SCN2A: variants seen among roughly 807,000 people sequenced by gnomAD.
SCN2A encodes sodium voltage-gated channel alpha subunit 2.
A neutral mutation model predicts 188.7 loss-of-function variants in SCN2A; 20 were observed. The observed-to-expected ratio is 0.11, with a 90% CI of 0.07 to 0.15. The LOEUF is 0.15. Ranked by LOEUF, SCN2A falls within the 10% of genes least tolerant of loss-of-function variation. The pLI is 1.00. For synonymous variants in SCN2A, 804 were observed against 833.1 expected (o/e 0.97, Z 0.60); for missense variants, 1,278 against 2,445.0 (o/e 0.52, Z 10.07).
Position 165,342,428 on chromosome 2 carries a change from G to T in SCN2A, c.2521G>T (p.Ala841Ser), listed in dbSNP as rs1298213622. ...VSLSLMELGL[A>S]NVEGLSVLRS... ...CCTTAGTTTAATGGAACTTGGTTTGGCAAATGTGGAAGGATTGTCAGTTCT... is the reference window on the plus strand; with the variant it reads ...CCTTAGTTTAATGGAACTTGGTTTGTCAAATGTGGAAGGATTGTCAGTTCT... The change falls in exon 15 of 27, where the codon GCA becomes TCA. Residue 841 changes from alanine (A) to serine (S), a missense_variant. Ala to Ser is a moderately conservative substitution (Grantham distance 99). Transcript: ENST00000375437. The T allele has an allele frequency of 1.2e-6, 2 of 1,613,988 alleles. No individual in the cohort carries two copies. Among genetic ancestry groups the T allele is most frequent in the South Asian group, 2.2e-5 (2 of 91,074 alleles).
rs780656967 is a variant in SCN2A at position 165,315,460 on chromosome 2, C to T, written c.1384-11C>T. 5 of 1,613,610 alleles carry T rather than the reference C, an allele frequency of 3.1e-6. No homozygotes were observed. Among genetic ancestry groups the T allele is most frequent in the Non-Finnish European group, 4.2e-6 (5 of 1,179,658 alleles). ...TTATATGCAACTTCCACATACTTTG[C>T]GCCCTTCTAGGCGGCAGCTGCAGCC... On this transcript the variant is annotated splice_polypyrimidine_tract_variant and intron_variant, in intron 10 of 26. Coordinates refer to ENST00000375437, the MANE Select transcript of SCN2A (RefSeq NM_001040142.2).
chr2:165,389,919 C>T lies in SCN2A; in HGVS notation c.*95C>T. ...ACAGGACTCCCACAGGAGGTCTATG[C>T]CAAACTGACTGTTTTTACAAATGTA... On this transcript the variant is annotated 3_prime_UTR_variant, in exon 27 of 27. Transcript: ENST00000375437. The surrounding 1 kb of genome is among the most constrained non-coding windows in gnomAD (Gnocchi z 4.2). 2 of 1,518,960 alleles carry T rather than the reference C, an allele frequency of 1.3e-6. No individual in the cohort carries two copies. Among genetic ancestry groups the T allele is most frequent in the South Asian group, 2.5e-5 (2 of 79,560 alleles). 94.1% of individuals were successfully genotyped at this position (1,518,960 alleles called of 1,614,324 possible). A position where few individuals can be genotyped will look rare whatever the true frequency, so the allele number is the denominator to read the frequency against.
At chr2:165,267,679 T>G (rs1450428356) in intron 1 of SCN2A, 1 of 151,846 alleles carries the variant, frequency 6.6e-6, no homozygotes, top group African/African-American at 2.4e-5. Context: ...AGAAAATATT[T>G]GCAAACCATA....
intron 3 of SCN2A, among the ~76,000 whole-genome samples, chr2:165,300,380 G>A (rs1469816186): frequency 6.6e-6 from 1 of 152,180 alleles, no homozygotes; most frequent in African/African-American, 2.4e-5. Context: ...GTGTGTGTGT[G>A]TGTTTGGAAG....
At chr2:165,345,638 C>T (rs916276841) in intron 16 of SCN2A, among the ~76,000 whole-genome samples, 1 of 151,770 alleles carries the variant, frequency 6.6e-6, no homozygotes, top group Non-Finnish European at 1.5e-5. Flanking sequence ...GGTCACAGCA[C>T]ACCGATGGGT....
chr2:165,265,684 T>C (rs866899841), intron 1 of SCN2A, among the ~76,000 whole-genome samples: 97 of 150,960 alleles, frequency 6.4e-4, no homozygotes, highest in African/African-American at 2.2e-3. Flanking sequence ...TCATTTTTTA[T>C]ACTGTTTGCC....
chr2:165,356,750 A>T (rs1330587205), intron 17 of SCN2A, among the ~76,000 whole-genome samples: 1 of 152,178 alleles, frequency 6.6e-6, no homozygotes. Context: ...GGGTTTTCCA[A>T]AAGAGCGTGT....
intron 1 of SCN2A, among the ~76,000 whole-genome samples, chr2:165,261,999 C>T (rs1168933927): frequency 4.6e-5 from 7 of 152,054 alleles, no homozygotes; most frequent in African/African-American, 1.2e-4. Flanking sequence ...AGTGTTTTAT[C>T]CAGATATCTA....
chr2:165,347,386 GA>G (rs1158958409), intron 16 of SCN2A, among the ~76,000 whole-genome samples: 2 of 151,228 alleles, frequency 1.3e-5, no homozygotes, highest in Non-Finnish European at 2.9e-5. Context: ...AGTGGGAGTT[GA>G]ACAATGAGAA....
chr2:165,346,195 GC>G (rs1430453612), intron 16 of SCN2A, among the ~76,000 whole-genome samples: 2 of 152,142 alleles, frequency 1.3e-5, no homozygotes, highest in South Asian at 4.2e-4. Flanking sequence ...TCTTGGGGTT[GC>G]TTTTCTCAAG....
intron 1 of SCN2A, among the ~76,000 whole-genome samples, chr2:165,275,442 T>C (rs957194740): frequency 2.6e-5 from 4 of 152,338 alleles, no homozygotes; most frequent in African/African-American, 4.8e-5. Flanking sequence ...ACTTGGGCAT[T>C]ATCTGTATCC....
intron 17 of SCN2A, among the ~76,000 whole-genome samples, chr2:165,360,884 T>C (rs1352835830): frequency 6.6e-6 from 1 of 151,948 alleles, no homozygotes; most frequent in Non-Finnish European, 1.5e-5. Context: ...GATTGGAGCA[T>C]TTACAGGCAC....
chr2:165,362,980 C>T (rs1025101226), intron 17 of SCN2A, among the ~76,000 whole-genome samples: 1 of 152,070 alleles, frequency 6.6e-6, no homozygotes, highest in African/African-American at 2.4e-5. Flanking sequence ...TGGTGAAAGT[C>T]TTCCCAAAGT....
chr2:165,312,383 AC>A lies in SCN2A; in HGVS notation c.1034+296del, dbSNP rs370861444. Among the ~76,000 whole-genome samples the A allele has an allele frequency of 6.8e-4, 104 of 152,294 alleles. No homozygotes were observed. The East Asian group carries it at 0.015, about 22-fold the overall frequency. ...CTGAAGCTTAATAGAATTCTTAAGC[AC>A]ATACTTTTTATAAGTGTCATATTTT... On this transcript the variant is annotated intron_variant, in intron 8 of 26. Transcript: ENST00000375437.
chr2:165,347,537 T>G (rs191616186), intron 16 of SCN2A, among the ~76,000 whole-genome samples: 1 of 152,052 alleles, frequency 6.6e-6, no homozygotes, highest in African/African-American at 2.4e-5. Flanking sequence ...CAAGTGTATA[T>G]GTATGTAACA....
At chr2:165,311,378 A>G (rs1697418650) in intron 7 of SCN2A, among the ~76,000 whole-genome samples, 1 of 152,106 alleles carries the variant, frequency 6.6e-6, no homozygotes, top group African/African-American at 2.4e-5. Context: ...CCTTAAAAAT[A>G]AAAACTAGAT....
chr2:165,379,436 T>C (rs1701485997), intron 23 of SCN2A, among the ~76,000 whole-genome samples: 1 of 151,704 alleles, frequency 6.6e-6, no homozygotes, highest in Admixed American at 6.6e-5. Flanking sequence ...ATCATTACCA[T>C]AAAAGTCAGG....
intron 26 of SCN2A, among the ~76,000 whole-genome samples, chr2:165,388,167 C>T (rs529314927): frequency 6.6e-6 from 1 of 152,208 alleles, no homozygotes; most frequent in South Asian, 2.1e-4. Flanking sequence ...CATCTGTCTC[C>T]AAAGCCTATG....
chr2:165,350,460 C>CTTTTTTTTTT lies in SCN2A; in HGVS notation c.2920-3729_2920-3728insTTTTTTTTTT, dbSNP rs796595702. Among the ~76,000 whole-genome samples the CTTTTTTTTTT allele has an allele frequency of 6.4e-4, 50 of 77,910 alleles. 6 individuals are homozygous for CTTTTTTTTTT. Among genetic ancestry groups the CTTTTTTTTTT allele is most frequent in the African/African-American group, 1.7e-3 (40 of 23,012 alleles). 51.1% of individuals were successfully genotyped at this position (77,910 alleles called of 152,430 possible). A position where few individuals can be genotyped will look rare whatever the true frequency, so the allele number is the denominator to read the frequency against. ...CTGAGTGAGCTTGCTGAACTGTTTTCTTTCTTTTTTTTTTTTTTTTTTTTT... is the reference window on the plus strand; with the variant it reads ...CTGAGTGAGCTTGCTGAACTGTTTTCTTTTTTTTTTTTTCTTTTTTTTTTTTTTTTTTTTT... On this transcript the variant is annotated intron_variant, in intron 16 of 26. Transcript: ENST00000375437.
Sources: gnomAD v4.1 joint callset for allele counts (sites outside exome capture counted in the v4.1 genomes callset) on GRCh38, gnomAD v4.1.1 for gene constraint, Gnocchi (gnomAD v3.1) non-coding constraint, MANE v1.5 for transcripts, NCBI Gene and HGNC (gene_info 2026-07-23, HGNC 2026-07-21) for gene names.